The following RAPGEF5 variants were observed in gnomAD, a reference collection of about 807,000 sequenced individuals.
The protein encoded by RAPGEF5 is Rap guanine nucleotide exchange factor 5.
RAPGEF5 carries 65 observed loss-of-function variants against 125.2 expected under a neutral mutation model. That is an observed-to-expected ratio of 0.52 (90% CI 0.43 to 0.64). RAPGEF5 has a LOEUF of 0.64. Ranked by LOEUF, RAPGEF5 falls within the 30% of genes least tolerant of loss-of-function variation. The pLI is 0.00. For missense variants in RAPGEF5, 958 were observed against 1,048.1 expected (o/e 0.91, Z 1.19); for synonymous variants, 391 against 385.9 (o/e 1.01, Z -0.16).
chr7:22,303,542 G>C (rs919972120), intron 5 of RAPGEF5, among the ~76,000 whole-genome samples: 1 of 152,104 alleles, frequency 6.6e-6, no homozygotes, highest in Admixed American at 6.5e-5. Flanking sequence ...TGGTTTCCTT[G>C]CATTATTTTG....
intron 24 of RAPGEF5, among the ~76,000 whole-genome samples, chr7:22,128,271 G>C (rs922252830): frequency 2.0e-5 from 3 of 152,154 alleles, no homozygotes; most frequent in African/African-American, 7.2e-5. Flanking sequence ...GAAACAGTTT[G>C]AGATGAAAAC....
At chr7:22,354,733 G>A (rs1784390932) in intron 1 of RAPGEF5, among the ~76,000 whole-genome samples, 2 of 152,138 alleles carry the variant, frequency 1.3e-5, no homozygotes, top group Non-Finnish European at 1.5e-5. Context: ...GTTTACCAAG[G>A]GAAGGCCATG....
chr7:22,297,129 A>G (rs983300013), intron 5 of RAPGEF5, among the ~76,000 whole-genome samples: 3 of 152,212 alleles, frequency 2.0e-5, no homozygotes, highest in Non-Finnish European at 4.4e-5. Context: ...CAGCAGCTAG[A>G]GGGAGATATA....
At chr7:22,323,283 C>T (rs1254637495) in intron 1 of RAPGEF5, among the ~76,000 whole-genome samples, 2 of 152,178 alleles carry the variant, frequency 1.3e-5, no homozygotes, top group Non-Finnish European at 2.9e-5. Flanking sequence ...TGTTTCCCTA[C>T]TTAAAAGCTA....
intron 7 of RAPGEF5, among the ~76,000 whole-genome samples, chr7:22,234,929 T>C (rs1786151357): frequency 6.6e-6 from 1 of 152,206 alleles, no homozygotes; most frequent in Admixed American, 6.5e-5. Flanking sequence ...ATGATGTTAT[T>C]TAATTTCTGC....
At chr7:22,176,541 T>C (rs1784514359) in intron 11 of RAPGEF5, among the ~76,000 whole-genome samples, 1 of 152,222 alleles carries the variant, frequency 6.6e-6, no homozygotes, top group Non-Finnish European at 1.5e-5. Context: ...TTGTTTATTT[T>C]TGAGATAGAG....
intron 2 of RAPGEF5, 78 bp from the exon 3 acceptor site, chr7:22,315,554 T>A: frequency 1.8e-6 from 1 of 565,856 alleles, no homozygotes; most frequent in Non-Finnish European, 2.3e-6. Flanking sequence ...ATACTATATA[T>A]ATATATATAT....
Position 22,230,919 on chromosome 7 carries a change from G to A in RAPGEF5, c.797C>T (p.Ala266Val). The change falls in exon 8 of 26, where the codon GCA becomes GTA. Residue 266 changes from alanine to valine, a missense_variant and splice_region_variant. Physicochemically the swap from Ala to Val is moderately conservative, Grantham distance 64. Transcript: ENST00000665637. ...GTTGTTTTCTTCATCTTGTTCAATT[G>A]CTTAAAAAAAAGAACACCATTAAAC... ...AVIALKARKS[A>V]IEQDEENNDK... The A allele has an allele frequency of 6.4e-7, 1 of 1,556,062 alleles. No homozygotes were observed.
chr7:22,143,193 A>C (rs928796763), intron 20 of RAPGEF5, among the ~76,000 whole-genome samples: 8 of 152,178 alleles, frequency 5.3e-5, no homozygotes, highest in Admixed American at 3.3e-4. Flanking sequence ...ACAATGGCCA[A>C]ATTTTTTTAA....
At chr7:22,157,969 C>T in intron 14 of RAPGEF5, 84 bp from the exon 15 acceptor site, 1 of 1,297,048 alleles carries the variant, frequency 7.7e-7, no homozygotes, top group Non-Finnish European at 1.1e-6. Flanking sequence ...AATTTTCCAG[C>T]ACTAGGCAGA....
chr7:22,166,078 G>A (rs6965976), intron 12 of RAPGEF5, among the ~76,000 whole-genome samples: 141,484 of 145,880 alleles, frequency 0.97, 68,595 homozygotes, highest in East Asian at 0.99. Flanking sequence ...ACATATATAT[G>A]TATCATATAT....
intron 1 of RAPGEF5, among the ~76,000 whole-genome samples, chr7:22,333,854 C>T (rs148673145): frequency 3.8e-3 from 557 of 147,950 alleles, no homozygotes; most frequent in Non-Finnish European, 5.9e-3. Flanking sequence ...GAGAGAGAAC[C>T]AGAGCTGTCT....
At chr7:22,353,798 G>C (rs756492385) in intron 1 of RAPGEF5, among the ~76,000 whole-genome samples, 4 of 152,160 alleles carry the variant, frequency 2.6e-5, no homozygotes, top group Admixed American at 6.5e-5. Flanking sequence ...AACTAGAAGT[G>C]ACTGAACTGA....
At chr7:22,199,847 A>C (rs1033711580) in intron 9 of RAPGEF5, among the ~76,000 whole-genome samples, 2 of 152,166 alleles carry the variant, frequency 1.3e-5, no homozygotes, top group Admixed American at 6.5e-5. Context: ...ACTGGGGACC[A>C]ATTTAAAGAA....
intron 1 of RAPGEF5, among the ~76,000 whole-genome samples, chr7:22,324,209 A>G (rs541588537): frequency 6.6e-6 from 1 of 152,224 alleles, no homozygotes; most frequent in Non-Finnish European, 1.5e-5. Flanking sequence ...TTTTGTCAAA[A>G]TGCATACCTG....
At chr7:22,255,212 A>T (rs1562491188) in intron 7 of RAPGEF5, among the ~76,000 whole-genome samples, 5 of 152,222 alleles carry the variant, frequency 3.3e-5, no homozygotes, top group Admixed American at 3.3e-4. Flanking sequence ...ATATGATCTT[A>T]GAAAAAACAA....
intron 5 of RAPGEF5, among the ~76,000 whole-genome samples, chr7:22,299,245 A>C (rs1783139859): frequency 6.6e-6 from 1 of 152,124 alleles, no homozygotes; most frequent in African/African-American, 2.4e-5. Flanking sequence ...CTTTAGCTGC[A>C]TCCCATAATT....
chr7:22,301,662 G>C (rs1783208663), intron 5 of RAPGEF5, among the ~76,000 whole-genome samples: 1 of 150,250 alleles, frequency 6.7e-6, no homozygotes, highest in South Asian at 2.1e-4. Flanking sequence ...CCGAAAATAT[G>C]CATTTCAGTT....
At chr7:22,198,497 T>G (rs1785203859) in intron 9 of RAPGEF5, among the ~76,000 whole-genome samples, 1 of 152,214 alleles carries the variant, frequency 6.6e-6, no homozygotes, top group Non-Finnish European at 1.5e-5. Flanking sequence ...CACCGAGCCT[T>G]GGCCACTACT....
Sources: allele counts gnomAD v4.1 joint callset (sites outside exome capture counted in the v4.1 genomes callset), GRCh38; gene constraint gnomAD v4.1.1; transcripts MANE v1.5; gene names NCBI Gene and HGNC (gene_info 2026-07-23, HGNC 2026-07-21).